KHDRBS2: variants seen among roughly 807,000 people sequenced by gnomAD.
KHDRBS2 encodes KH domain-containing, RNA-binding, signal transduction-associated protein 2.
A neutral mutation model predicts 44.3 loss-of-function variants in KHDRBS2; 26 were observed. The ratio of observed to expected loss-of-function variants is 0.59; its 90% confidence interval spans 0.43 to 0.81. The LOEUF is 0.81. KHDRBS2 is among the 40% of genes least tolerant of loss of function. KHDRBS2 has a pLI of 0.00. For synonymous variants in KHDRBS2, 194 were observed against 151.1 expected (o/e 1.28, Z -2.08); for missense variants, 476 against 433.1 (o/e 1.10, Z -0.88).
chr6:61,902,049 G>A (rs950461071), intron 4 of KHDRBS2, among the ~76,000 whole-genome samples: 27 of 152,084 alleles, frequency 1.8e-4, no homozygotes, highest in African/African-American at 5.6e-4. Flanking sequence ...TCCGCTTCCC[G>A]GGTTAAAGCA....
chr6:61,662,933 A>G, the KHDRBS2 span, among the ~76,000 whole-genome samples: 1 of 151,806 alleles, frequency 6.6e-6, no homozygotes, highest in Non-Finnish European at 1.5e-5. Flanking sequence ...TCATGCTGCT[A>G]TAAAGACACA....
intron 6 of KHDRBS2, among the ~76,000 whole-genome samples, chr6:61,740,930 T>C (rs1045669601): frequency 6.6e-6 from 1 of 151,856 alleles, no homozygotes; most frequent in African/African-American, 2.4e-5. Context: ...ATAACCACCA[T>C]TGTCCACTGA....
At chr6:61,781,442 A>C (rs1004220438) in intron 6 of KHDRBS2, among the ~76,000 whole-genome samples, 2 of 152,166 alleles carry the variant, frequency 1.3e-5, no homozygotes, top group African/African-American at 4.8e-5. Flanking sequence ...TGTGTAGACA[A>C]CTCCATGCCA....
chr6:61,738,204 A>C (rs1446358097), intron 6 of KHDRBS2, among the ~76,000 whole-genome samples: 1 of 152,048 alleles, frequency 6.6e-6, no homozygotes, highest in African/African-American at 2.4e-5. Context: ...AATTTCCTCA[A>C]GTACAAAGAG....
intron 3 of KHDRBS2, among the ~76,000 whole-genome samples, chr6:62,008,225 G>A (rs866644146): frequency 3.3e-5 from 5 of 152,100 alleles, no homozygotes; most frequent in African/African-American, 4.8e-5. Flanking sequence ...GCCTCAGTAC[G>A]GTATTTTTAA....
At chr6:61,897,143 T>A (rs1176111680) in intron 5 of KHDRBS2, among the ~76,000 whole-genome samples, 1 of 152,172 alleles carries the variant, frequency 6.6e-6, no homozygotes, top group Non-Finnish European at 1.5e-5. Context: ...AGAAGTTTCT[T>A]AACTTGCCTG....
chr6:62,108,075 A>G (rs541831149), intron 2 of KHDRBS2, among the ~76,000 whole-genome samples: 4 of 152,324 alleles, frequency 2.6e-5, no homozygotes, highest in African/African-American at 9.6e-5. Flanking sequence ...AATGGCAACA[A>G]AAGGCAAAAT....
chr6:61,771,593 C>T (rs1309313429), intron 6 of KHDRBS2, among the ~76,000 whole-genome samples: 4 of 152,184 alleles, frequency 2.6e-5, no homozygotes, highest in Non-Finnish European at 5.9e-5. Context: ...ACAAAGAAGG[C>T]CATTACATAA....
intron 4 of KHDRBS2, among the ~76,000 whole-genome samples, chr6:61,945,833 T>C (rs1813253219): frequency 6.6e-6 from 1 of 151,956 alleles, no homozygotes; most frequent in South Asian, 2.1e-4. Flanking sequence ...TTTATGTCCA[T>C]TAATAGCAAA....
At chr6:62,271,881 A>C (rs1455124095) in intron 1 of KHDRBS2, among the ~76,000 whole-genome samples, 1 of 151,932 alleles carries the variant, frequency 6.6e-6, no homozygotes, top group African/African-American at 2.4e-5. Context: ...CCATTAATTT[A>C]TTATTGAATA....
chr6:61,586,973 G>A, the KHDRBS2 span, among the ~76,000 whole-genome samples: 2 of 152,104 alleles, frequency 1.3e-5, no homozygotes, highest in Admixed American at 1.3e-4. Context: ...ATTTCTTTGT[G>A]CATAAAGATA....
the KHDRBS2 span, among the ~76,000 whole-genome samples, chr6:61,660,059 T>TC: frequency 6.6e-6 from 1 of 151,870 alleles, no homozygotes; most frequent in Non-Finnish European, 1.5e-5. Context: ...TACCATAATT[T>TC]CTCATCCCTA....
At chr6:61,992,065 A>T (rs1213836546) in intron 3 of KHDRBS2, among the ~76,000 whole-genome samples, 1 of 152,198 alleles carries the variant, frequency 6.6e-6, no homozygotes, top group Non-Finnish European at 1.5e-5. Flanking sequence ...ATCAGTGTGA[A>T]AGGGCATCCA....
intron 6 of KHDRBS2, among the ~76,000 whole-genome samples, chr6:61,833,658 G>A: frequency 6.6e-6 from 1 of 152,040 alleles, no homozygotes; most frequent in East Asian, 1.9e-4. Context: ...GACAAGACAG[G>A]CTTTAATGAC....
At chr6:61,770,989 T>C (rs1047860041) in intron 6 of KHDRBS2, among the ~76,000 whole-genome samples, 46 of 152,226 alleles carry the variant, frequency 3.0e-4, no homozygotes, top group Non-Finnish European at 5.4e-4. Flanking sequence ...GCGGATCTCT[T>C]GGCAGAAACT....
chr6:62,092,115 C>G (rs1184843239), intron 2 of KHDRBS2, among the ~76,000 whole-genome samples: 1 of 151,766 alleles, frequency 6.6e-6, no homozygotes, highest in Non-Finnish European at 1.5e-5. Context: ...CTTGATGTCT[C>G]CAGTTTTTTT....
chr6:61,787,858 C>A (rs1439384816), intron 6 of KHDRBS2, among the ~76,000 whole-genome samples: 1 of 151,508 alleles, frequency 6.6e-6, no homozygotes, highest in East Asian at 1.9e-4. Flanking sequence ...TTATCATAAT[C>A]TCAGCTCAGC....
chr6:62,124,768 TG>T lies in KHDRBS2; in HGVS notation c.219+52416del, dbSNP rs571518611. Among the ~76,000 whole-genome samples the T allele has an allele frequency of 4.3e-4, 65 of 152,332 alleles. No individual in the cohort carries two copies. In the South Asian group the frequency reaches 0.013, roughly 31 times the overall value. On this transcript the variant is annotated intron_variant, in intron 2 of 8. Coordinates refer to ENST00000281156, the MANE Select transcript of KHDRBS2 (RefSeq NM_152688.4). Reference sequence around the variant, plus strand: ...GGTAGATACTTAGTACTGGGATTGCTGAATTGAATGGTAGTTCAATTTTTAA... The same window carrying T: ...GGTAGATACTTAGTACTGGGATTGCTAATTGAATGGTAGTTCAATTTTTAA...
intron 1 of KHDRBS2, among the ~76,000 whole-genome samples, chr6:62,246,124 A>C (rs1103569): frequency 0.19 from 27,315 of 145,268 alleles, 3,100 homozygotes; most frequent in African/African-American, 0.31. Flanking sequence ...ATATATATAT[A>C]TATATATATA....
Sources: gnomAD v4.1 joint callset for allele counts (sites outside exome capture counted in the v4.1 genomes callset) on GRCh38, gnomAD v4.1.1 for gene constraint, MANE v1.5 for transcripts, NCBI Gene and HGNC (gene_info 2026-07-23, HGNC 2026-07-21) for gene names.